The following FNTB variants were observed in gnomAD, a reference collection of about 807,000 sequenced individuals.
FNTB encodes the protein farnesyltransferase, CAAX box, subunit beta, also known as protein farnesyltransferase subunit beta.
FNTB carries 27 observed loss-of-function variants against 59.4 expected under a neutral mutation model. The ratio of observed to expected loss-of-function variants is 0.45; its 90% CI spans 0.34 to 0.63. The LOEUF is 0.63. FNTB is among the 20% of genes least tolerant of loss of function. The pLI is 0.02. For synonymous variants in FNTB, 230 were observed against 220.7 expected (o/e 1.04, Z -0.37); for missense variants, 449 against 559.6 (o/e 0.80, Z 1.99).
chr14:65,058,320 C>A (rs2062788247), intron 11 of FNTB, among the ~76,000 whole-genome samples: 1 of 149,080 alleles, frequency 6.7e-6, no homozygotes, highest in Non-Finnish European at 1.5e-5. Context: ...TGACTGGAAT[C>A]TTTTCTTATT....
chr14:64,992,046 T>C (rs1199472561), intron 1 of FNTB, among the ~76,000 whole-genome samples: 1 of 152,162 alleles, frequency 6.6e-6, no homozygotes, highest in Non-Finnish European at 1.5e-5. Flanking sequence ...TCCAAAATAT[T>C]AGTAAATGGA....
At chr14:65,022,801 A>G (rs1000951374) in intron 4 of FNTB, among the ~76,000 whole-genome samples, 4 of 152,120 alleles carry the variant, frequency 2.6e-5, no homozygotes, top group Non-Finnish European at 4.4e-5. Flanking sequence ...AAGCATTTTT[A>G]TTGTTGTTCT....
chr14:65,045,348 T>G (rs900395157), intron 9 of FNTB, among the ~76,000 whole-genome samples: 1 of 152,100 alleles, frequency 6.6e-6, no homozygotes, highest in African/African-American at 2.4e-5. Flanking sequence ...ATGTAAAAGA[T>G]GAGATTCTTT....
chr14:65,008,947 G>A (rs1481717787), intron 2 of FNTB, among the ~76,000 whole-genome samples: 2 of 152,122 alleles, frequency 1.3e-5, no homozygotes, highest in Non-Finnish European at 2.9e-5. Context: ...ACAGTGAGAC[G>A]GGGGCCCTCC....
At chr14:64,999,632 TTA>T (rs1888526493) in intron 1 of FNTB, among the ~76,000 whole-genome samples, 1 of 152,156 alleles carries the variant, frequency 6.6e-6, no homozygotes, top group Admixed American at 6.5e-5. Context: ...GGTATATGAA[TTA>T]TATCTCAATA....
intron 9 of FNTB, among the ~76,000 whole-genome samples, chr14:65,048,001 T>C (rs2062521249): frequency 6.8e-6 from 1 of 147,538 alleles, no homozygotes; most frequent in Non-Finnish European, 1.5e-5. Context: ...TTTTTTTTTT[T>C]TTTTGAGACA....
chr14:65,014,900 T>A lies in FNTB; in HGVS notation c.283-725T>A, dbSNP rs1348225650. On this transcript the variant is annotated intron_variant, in intron 3 of 11. Coordinates refer to ENST00000246166, the MANE Select transcript of FNTB (RefSeq NM_002028.4). The surrounding 1 kb of genome is among the most constrained non-coding windows in gnomAD (Gnocchi z 5.1). ...TGGCACAAGTAGATACTATCAAATA[T>A]TTGTTGAATCAGTGATTGAGTTAAG... Among the ~76,000 whole-genome samples the A allele has an allele frequency of 6.6e-6, 1 of 152,064 alleles. No homozygotes were observed. The highest frequency in any genetic ancestry group is 1.5e-5 in the Non-Finnish European group (1 of 67,998).
intron 4 of FNTB, among the ~76,000 whole-genome samples, chr14:65,026,434 G>A (rs1477924761): frequency 1.3e-5 from 2 of 152,222 alleles, no homozygotes; most frequent in Non-Finnish European, 1.5e-5. Context: ...AATTCTCCAA[G>A]AACCCGCAGA....
In FNTB at chr14:64,990,789, G is replaced by A. The variant is rs773033865; in HGVS notation, c.144+3692G>A. Among the ~76,000 whole-genome samples the A allele has an allele frequency of 5.9e-5, 9 of 152,182 alleles. No homozygotes were observed. Among genetic ancestry groups the A allele is most frequent in the Non-Finnish European group, 1.3e-4 (9 of 68,030 alleles). On this transcript the variant is annotated intron_variant, in intron 1 of 11. Coordinates refer to ENST00000246166, the MANE Select transcript of FNTB (RefSeq NM_002028.4). This position sits in a 1 kb window ranked among gnomAD's most constrained non-coding sequence, Gnocchi z 5.2. Reference sequence around the variant, plus strand: ...TGGTGGGGAGTGAGGGTGGATACAGGGAAACCAGTTAGGAGGCTATTGCAG... The same window carrying A: ...TGGTGGGGAGTGAGGGTGGATACAGAGAAACCAGTTAGGAGGCTATTGCAG...
chr14:65,061,285 G>C lies in FNTB; in HGVS notation c.1287G>C (p.Glu429Asp), dbSNP rs139574354. The C allele has an allele frequency of 3.5e-4, 569 of 1,614,068 alleles. No homozygotes were observed. The highest frequency in any genetic ancestry group is 4.6e-4 in the Non-Finnish European group (539 of 1,180,016). ...PVPGFEELKD[E>D]TSAEPATD Reference sequence around the variant, plus strand: ...CAGGTTTTGAGGAGCTTAAGGATGAGACATCGGCAGAGCCTGCAACCGACT... The same window carrying C: ...CAGGTTTTGAGGAGCTTAAGGATGACACATCGGCAGAGCCTGCAACCGACT... The change falls in exon 12 of 12, where the codon GAG becomes GAC. Residue 429 changes from glutamate (E) to aspartate (D), a missense_variant. By Grantham distance (45) the Glu-to-Asp change is conservative. This residue lies in a region of FNTB where 337 missense variants were observed against 479.1 expected (regional missense o/e 0.70). Transcript: ENST00000246166.
intron 7 of FNTB, among the ~76,000 whole-genome samples, chr14:65,040,474 T>C (rs894420611): frequency 1.3e-5 from 2 of 152,096 alleles, no homozygotes; most frequent in South Asian, 4.1e-4. Flanking sequence ...CTAGTCTCAC[T>C]CTTTCACCCG....
intron 11 of FNTB, among the ~76,000 whole-genome samples, chr14:65,055,956 CT>C (rs778772343): frequency 4.6e-5 from 7 of 152,184 alleles, no homozygotes; most frequent in South Asian, 2.1e-4. Flanking sequence ...TTATTTCCCC[CT>C]ATTTGCCTCT....
chr14:64,999,994 C>T lies in FNTB; in HGVS notation c.145-4255C>T, dbSNP rs146017736. Among the ~76,000 whole-genome samples, 163 of 152,228 alleles carry T rather than the reference C, an allele frequency of 1.1e-3. 8 individuals are homozygous for T. In the South Asian group the frequency reaches 0.022, roughly 21 times the overall value. ...TAGAAATAAACCTCCATTTTTCTTGCGTTGTACTTGGCTGCTTTCCCGCAA... is the reference window on the plus strand; with the variant it reads ...TAGAAATAAACCTCCATTTTTCTTGTGTTGTACTTGGCTGCTTTCCCGCAA... On this transcript the variant is annotated intron_variant, in intron 1 of 11. Transcript: ENST00000246166.
intron 11 of FNTB, 98 bp from the exon 12 acceptor site, chr14:65,061,083 T>C (rs1446215938): frequency 2.6e-6 from 4 of 1,542,352 alleles, no homozygotes; most frequent in African/African-American, 1.4e-5. Context: ...TGATTCCTTA[T>C]ACTAAATTCT....
intron 1 of FNTB, among the ~76,000 whole-genome samples, chr14:65,000,815 CAAAA>C (rs59420832): frequency 0.011 from 412 of 36,488 alleles, 7 homozygotes; most frequent in African/African-American, 0.033. Flanking sequence ...GACTCCGTCT[CAAAA>C]AAAAAAAAAA....
rs202087492 is a variant in FNTB, at chr14:65,037,726, C to CTTATTTAT, written c.693-3054_693-3047dup. ...AGGTGTGAGCCACCATGCCCAGCCT[C>CTTATTTAT]TTATTTATTTATTTATTATTTATTT... On this transcript the variant is annotated intron_variant, in intron 7 of 11. Transcript: ENST00000246166. Among the ~76,000 whole-genome samples, 107 of 117,524 alleles carry CTTATTTAT rather than the reference C, an allele frequency of 9.1e-4. 1 individual carries two copies. Among genetic ancestry groups the CTTATTTAT allele is most frequent in the Admixed American group, 1.3e-3 (14 of 11,084 alleles). 77.1% of individuals were successfully genotyped at this position (117,524 alleles called of 152,430 possible).
chr14:65,053,292 A>C lies in FNTB; in HGVS notation c.1010A>C (p.Glu337Ala). 1 of 1,468,606 alleles carries C rather than the reference A, an allele frequency of 6.8e-7. No individual in the cohort carries two copies. Among genetic ancestry groups the C allele is most frequent in the Non-Finnish European group, 9.1e-7 (1 of 1,102,882 alleles). 91.0% of individuals were successfully genotyped at this position (1,468,606 alleles called of 1,614,324 possible). Residue 337 changes from glutamate to alanine, a missense_variant, in exon 10 of 12, where the codon GAG becomes GCG. Glu to Ala is a moderately radical substitution (Grantham distance 107). Around this residue, in one of 2 missense-constraint regions of FNTB, gnomAD observed 337 missense variants for 479.1 expected, o/e 0.70. Coordinates refer to ENST00000246166, the MANE Select transcript of FNTB (RefSeq NM_002028.4). ...ATGTTCCATCAGCAGGCCCTGCAGG[A>C]GTACATCCTGATGTGCTGCCAGTGC... is the stretch of plus-strand genomic sequence containing the variant. ...HWMFHQQALQ[E>A]YILMCCQCPA...
chr14:65,027,371 A>C lies in FNTB; in HGVS notation c.375-82A>C. ...TTTGAGGGAGTGGGGGATCATTGGAAAGGCCTGGAATCTAGTGGGAATTTG... is the reference window on the plus strand; with the variant it reads ...TTTGAGGGAGTGGGGGATCATTGGACAGGCCTGGAATCTAGTGGGAATTTG... On this transcript the variant is annotated intron_variant, in intron 4 of 11. Transcript: ENST00000246166. This position sits in a 1 kb window ranked among gnomAD's most constrained non-coding sequence, Gnocchi z 5.7. 1.1e-5 allele frequency: 17 copies of C among 1,547,722 alleles called. No individual in the cohort carries two copies. The highest frequency in any genetic ancestry group is 1.3e-5 in the Non-Finnish European group (15 of 1,138,712).
rs1042204442 is a variant in FNTB, at chr14:65,011,157, G to T, written c.210-1160G>T. Among the ~76,000 whole-genome samples, 1 of 152,162 alleles carries T rather than the reference G, an allele frequency of 6.6e-6. No individual in the cohort carries two copies. Among genetic ancestry groups the T allele is most frequent in the Non-Finnish European group, 1.5e-5 (1 of 68,026 alleles). ...AAAGACTACATGAAGGGCTGGGTGCGGTGGCTCACGCCTGTAATCCCAGCA... is the reference window on the plus strand; with the variant it reads ...AAAGACTACATGAAGGGCTGGGTGCTGTGGCTCACGCCTGTAATCCCAGCA... On this transcript the variant is annotated intron_variant, in intron 2 of 11. Coordinates refer to ENST00000246166, the MANE Select transcript of FNTB (RefSeq NM_002028.4). The surrounding 1 kb of genome is among the most constrained non-coding windows in gnomAD (Gnocchi z 4.0).
Sources: gnomAD v4.1 joint callset for allele counts (sites outside exome capture counted in the v4.1 genomes callset) on GRCh38, gnomAD v4.1.1 for gene constraint, gnomAD v4.1.1 regional missense constraint, Gnocchi (gnomAD v3.1) non-coding constraint, MANE v1.5 for transcripts, NCBI Gene and HGNC (gene_info 2026-07-23, HGNC 2026-07-21) for gene names.